CAND1: variants seen among roughly 807,000 people sequenced by gnomAD.
The protein encoded by CAND1 is cullin-associated NEDD8-dissociated protein 1.
CAND1 carries 7 observed loss-of-function variants against 108.5 expected under a neutral mutation model. That is an observed-to-expected ratio of 0.06 (90% CI 0.04 to 0.12). CAND1 has a LOEUF of 0.12. Ranked by LOEUF, CAND1 falls within the 10% of genes least tolerant of loss-of-function variation. CAND1 has a pLI of 1.00. For missense variants in CAND1, 941 were observed against 1,448.7 expected, an observed-to-expected ratio of 0.65 and a Z score of 5.69; for synonymous variants, 534 against 512.0, an observed-to-expected ratio of 1.04 and a Z score of -0.58.
chr12:67,276,295 T>C (rs1307694191), intron 1 of CAND1, among the ~76,000 whole-genome samples: 1 of 152,248 alleles, frequency 6.6e-6, no homozygotes, highest in Non-Finnish European at 1.5e-5. Flanking sequence ...ATAACTCATT[T>C]AGTGGATATT....
intron 1 of CAND1, 71 bp downstream of exon 1, chr12:67,269,856 C>G (rs1592598135): frequency 7.5e-7 from 1 of 1,330,650 alleles, no homozygotes; most frequent in South Asian, 1.3e-5. Context: ...TCACGCAGGC[C>G]TTGCCCCACC....
chr12:67,283,966 T>C lies in CAND1; in HGVS notation c.212+1913T>C, dbSNP rs114752295. 1.3e-3 allele frequency among the ~76,000 whole-genome samples: 199 copies of C among 152,256 alleles called. 1 individual carries two copies. The highest frequency in any genetic ancestry group is 4.6e-3 in the African/African-American group (193 of 41,552). Reference sequence around the variant, plus strand: ...TAGGAGATAAAATGATAGTAAATAATCTAAGAGCTGGGTCTTGGAGGTTGG... The same window carrying C: ...TAGGAGATAAAATGATAGTAAATAACCTAAGAGCTGGGTCTTGGAGGTTGG... On this transcript the variant is annotated intron_variant, in intron 2 of 14. Transcript: ENST00000545606.
intron 11 of CAND1, among the ~76,000 whole-genome samples, chr12:67,308,595 T>C (rs1004808274): frequency 6.6e-6 from 1 of 152,074 alleles, no homozygotes; most frequent in Non-Finnish European, 1.5e-5. Context: ...TATTCATGAC[T>C]ATTTGAACAT....
chr12:67,304,121 C>T (rs2044854243), intron 8 of CAND1, among the ~76,000 whole-genome samples: 1 of 151,722 alleles, frequency 6.6e-6, no homozygotes, highest in Non-Finnish European at 1.5e-5. Context: ...TCCCGAGTAG[C>T]TGGGAGTACA....
chr12:67,315,721 C>T lies in CAND1; in HGVS notation c.*2891C>T, dbSNP rs1487906470. ...GTCTTTTTTTCTTCATACTTTTCTT[C>T]GGTAAATAGTGAAGAAATAATGGGC... On this transcript the variant is annotated 3_prime_UTR_variant, in exon 15 of 15. Coordinates refer to ENST00000545606, the MANE Select transcript of CAND1 (RefSeq NM_018448.5). 4 of 151,824 alleles carry T rather than the reference C, an allele frequency of 2.6e-5. No individual in the cohort carries two copies. The highest frequency in any genetic ancestry group is 2.1e-4 in the South Asian group (1 of 4,810). The allele number at this position is 151,824 out of a possible 1,614,324, so 9.4% of individuals were successfully genotyped here. A position where few individuals can be genotyped will look rare whatever the true frequency, so the allele number is the denominator to read the frequency against.
At chr12:67,288,751 C>A (rs189613800) in intron 2 of CAND1, among the ~76,000 whole-genome samples, 290 of 152,242 alleles carry the variant, frequency 1.9e-3, no homozygotes, top group Admixed American at 6.0e-3. Flanking sequence ...GAGCAAACAT[C>A]AGGGTTGGTG....
chr12:67,292,151 G>A (rs2044728308), intron 2 of CAND1, among the ~76,000 whole-genome samples: 1 of 152,074 alleles, frequency 6.6e-6, no homozygotes, highest in Non-Finnish European at 1.5e-5. Flanking sequence ...ACAGGTATGA[G>A]CCACTGCATC....
At chr12:67,270,064 C>G in intron 1 of CAND1, 1 of 429,534 alleles carries the variant, frequency 2.3e-6, no homozygotes. Context: ...CCCTGCCCCA[C>G]CAGGAGGCGA....
At chr12:67,291,182 A>G (rs913190711) in intron 2 of CAND1, among the ~76,000 whole-genome samples, 15 of 152,228 alleles carry the variant, frequency 9.9e-5, no homozygotes, top group Admixed American at 8.5e-4. Flanking sequence ...AAATGGTTCA[A>G]TTGGTGGACA....
rs773866365 is a variant in CAND1, at chr12:67,306,519, G to C, written c.2851G>C (p.Val951Leu). The change falls in exon 10 of 15, where the codon GTT becomes CTT. Residue 951 changes from valine (V) to leucine (L), a missense_variant. By Grantham distance (32) the Val-to-Leu change is conservative. Coordinates refer to ENST00000545606, the MANE Select transcript of CAND1 (RefSeq NM_018448.5). ...ECAEEGTRNV[V>L]AECLGKLTLI... ...TGCAGAGGAAGGAACCAGAAATGTT[G>C]TTGCTGAATGTCTAGGAAAACTCAC... is the stretch of plus-strand genomic sequence containing the variant. The C allele has an allele frequency of 6.2e-7, 1 of 1,614,016 alleles. No individual in the cohort carries two copies. Among genetic ancestry groups the C allele is most frequent in the Non-Finnish European group, 8.5e-7 (1 of 1,179,924 alleles).
chr12:67,283,187 T>C (rs1769190709), intron 2 of CAND1, among the ~76,000 whole-genome samples: 1 of 152,146 alleles, frequency 6.6e-6, no homozygotes, highest in Non-Finnish European at 1.5e-5. Flanking sequence ...TAAAAGTAAA[T>C]AAAAATATGA....
intron 1 of CAND1, among the ~76,000 whole-genome samples, chr12:67,271,587 C>T (rs574466786): frequency 6.6e-6 from 1 of 152,174 alleles, no homozygotes; most frequent in Admixed American, 6.5e-5. Flanking sequence ...CATGTACATA[C>T]CTAGTTGTTT....
chr12:67,297,903 A>C, intron 6 of CAND1, 50 bp downstream of exon 6: 1 of 1,046,096 alleles, frequency 9.6e-7, no homozygotes, highest in Non-Finnish European at 1.5e-6. Flanking sequence ...CCTTAAGAGT[A>C]GAATCATAAG....
intron 2 of CAND1, among the ~76,000 whole-genome samples, chr12:67,284,169 C>A (rs1051845356): frequency 4.0e-5 from 6 of 151,676 alleles, no homozygotes; most frequent in Middle Eastern, 3.4e-3. Flanking sequence ...CAGATAATTC[C>A]AGTACAGAGA....
intron 8 of CAND1, among the ~76,000 whole-genome samples, chr12:67,303,217 T>C (rs531069182): frequency 3.7e-4 from 57 of 152,270 alleles, no homozygotes; most frequent in African/African-American, 1.3e-3. Flanking sequence ...CCAGGCATTC[T>C]CCTATCTTAT....
Position 67,318,426 on chromosome 12 carries a change from G to A in CAND1, c.*5596G>A, listed in dbSNP as rs2045029646. ...GGAATTAAAATATTTGCACCTTATAGGGTTATTGTGAGGATTAAATAGGAA... is the reference window on the plus strand; with the variant it reads ...GGAATTAAAATATTTGCACCTTATAAGGTTATTGTGAGGATTAAATAGGAA... On this transcript the variant is annotated 3_prime_UTR_variant, in exon 15 of 15. Coordinates refer to ENST00000545606, the MANE Select transcript of CAND1 (RefSeq NM_018448.5). The A allele has an allele frequency of 6.6e-6, 1 of 152,164 alleles. No individual in the cohort carries two copies. The highest frequency in any genetic ancestry group is 2.4e-5 in the African/African-American group (1 of 41,438). The allele number at this position is 152,164 out of a possible 1,614,324, so 9.4% of individuals were successfully genotyped here.
intron 1 of CAND1, chr12:67,270,652 A>G (rs1444620346): frequency 2.6e-5 from 4 of 152,080 alleles, no homozygotes; most frequent in Admixed American, 6.6e-5. Context: ...TGTAATATGC[A>G]TAGTGAAGAT....
rs570348978 is a variant in CAND1, at chr12:67,316,984, A to G, written c.*4154A>G. On this transcript the variant is annotated 3_prime_UTR_variant, in exon 15 of 15. Coordinates refer to ENST00000545606, the MANE Select transcript of CAND1 (RefSeq NM_018448.5). Reference sequence around the variant, plus strand: ...GGCAACATAGTGAGACCCTGTCTCTACCAAAAAGAAGAAAAAAGAAATCAA... The same window carrying G: ...GGCAACATAGTGAGACCCTGTCTCTGCCAAAAAGAAGAAAAAAGAAATCAA... 6.6e-6 allele frequency: 1 copy of G among 152,372 alleles called. No homozygotes were observed. Among genetic ancestry groups the G allele is most frequent in the East Asian group, 1.9e-4 (1 of 5,186 alleles). 9.4% of individuals were successfully genotyped at this position (152,372 alleles called of 1,614,324 possible).
intron 6 of CAND1, 152 bp downstream of exon 6, chr12:67,298,005 T>C: frequency 4.2e-6 from 2 of 475,048 alleles, no homozygotes; most frequent in East Asian, 3.2e-5. Context: ...CTTGCTATTA[T>C]AAAATGTGGT....
Sources: gnomAD v4.1 joint callset for allele counts (sites outside exome capture counted in the v4.1 genomes callset) on GRCh38, gnomAD v4.1.1 for gene constraint, MANE v1.5 for transcripts, NCBI Gene and HGNC (gene_info 2026-07-23, HGNC 2026-07-21) for gene names.